ZNF804B: variants seen among roughly 807,000 people sequenced by gnomAD.
ZNF804B encodes the protein zinc finger 804B.
ZNF804B carries 80 observed loss-of-function variants against 101.4 expected under a neutral mutation model. The ratio of observed to expected loss-of-function variants is 0.79; its 90% CI spans 0.66 to 0.95. The LOEUF (loss-of-function observed/expected upper bound fraction) is 0.95. ZNF804B is among the 40% of genes least tolerant of loss of function. The pLI, the probability that ZNF804B is intolerant of heterozygous loss-of-function variation, is 0.00. For missense variants in ZNF804B, 1,673 were observed against 1,561.9 expected (o/e 1.07, Z -1.20); for synonymous variants, 622 against 558.8 (o/e 1.11, Z -1.59).
At chr7:89,293,113 GT>G (rs1404612281) in intron 2 of ZNF804B, among the ~76,000 whole-genome samples, 8 of 151,024 alleles carry the variant, frequency 5.3e-5, no homozygotes, top group Admixed American at 2.6e-4. Context: ...ACTTTTGAAT[GT>G]TTTAATTTTT....
chr7:89,085,497 C>T (rs1789784214), intron 1 of ZNF804B, among the ~76,000 whole-genome samples: 1 of 151,810 alleles, frequency 6.6e-6, no homozygotes, highest in Non-Finnish European at 1.5e-5. Context: ...CTGCTATGTT[C>T]ACTCTGCAAG....
chr7:89,282,012 T>C (rs932387094), intron 2 of ZNF804B, among the ~76,000 whole-genome samples: 3 of 151,572 alleles, frequency 2.0e-5, no homozygotes, highest in African/African-American at 7.3e-5. Context: ...CCATCCCGGC[T>C]AAAACGGTGA....
chr7:89,115,495 CAG>C (rs1218590536), intron 1 of ZNF804B, among the ~76,000 whole-genome samples: 1 of 152,142 alleles, frequency 6.6e-6, no homozygotes, highest in Non-Finnish European at 1.5e-5. Flanking sequence ...CAGTAGGAGA[CAG>C]GGTCATACAG....
chr7:88,888,128 C>T (rs1792160713), intron 1 of ZNF804B, among the ~76,000 whole-genome samples: 1 of 152,088 alleles, frequency 6.6e-6, no homozygotes, highest in African/African-American at 2.4e-5. Context: ...CATGGTGGCT[C>T]ACGCCTGTAA....
At chr7:89,165,413 T>C (rs1409041977) in intron 1 of ZNF804B, among the ~76,000 whole-genome samples, 1 of 151,494 alleles carries the variant, frequency 6.6e-6, no homozygotes, top group Non-Finnish European at 1.5e-5. Context: ...ATGATAAAAT[T>C]GTATTTCACA....
At chr7:88,962,769 A>T (rs1793407302) in intron 1 of ZNF804B, among the ~76,000 whole-genome samples, 1 of 144,726 alleles carries the variant, frequency 6.9e-6, no homozygotes, top group Non-Finnish European at 1.5e-5. Flanking sequence ...TTATATAATT[A>T]CATAATTATA....
chr7:88,966,907 T>C (rs1025228858), intron 1 of ZNF804B, among the ~76,000 whole-genome samples: 1 of 151,430 alleles, frequency 6.6e-6, no homozygotes, highest in Non-Finnish European at 1.5e-5. Flanking sequence ...ACTGATTCCA[T>C]TGCAGCTTGT....
chr7:89,185,957 G>A (rs1004513774), intron 1 of ZNF804B, among the ~76,000 whole-genome samples: 2 of 151,932 alleles, frequency 1.3e-5, no homozygotes, highest in African/African-American at 4.8e-5. Flanking sequence ...CCAAAACTGT[G>A]GAAGTCATGT....
At chr7:89,144,339 T>C (rs1032263093) in intron 1 of ZNF804B, among the ~76,000 whole-genome samples, 28 of 152,008 alleles carry the variant, frequency 1.8e-4, no homozygotes, top group African/African-American at 6.3e-4. Context: ...AAGTAATGAG[T>C]AGGTGAAAGT....
chr7:89,153,540 C>A (rs1014729921), intron 1 of ZNF804B, among the ~76,000 whole-genome samples: 2 of 151,064 alleles, frequency 1.3e-5, no homozygotes, highest in Non-Finnish European at 2.9e-5. Context: ...ATTTCCGAAG[C>A]CTGGTTATTA....
At chr7:89,077,788 A>G (rs1789636416) in intron 1 of ZNF804B, among the ~76,000 whole-genome samples, 1 of 152,148 alleles carries the variant, frequency 6.6e-6, no homozygotes, top group Admixed American at 6.5e-5. Flanking sequence ...ATTCAAGTGA[A>G]ATTAGGTGAA....
intron 1 of ZNF804B, among the ~76,000 whole-genome samples, chr7:89,157,691 A>G (rs756190770): frequency 6.6e-6 from 1 of 152,162 alleles, no homozygotes; most frequent in Non-Finnish European, 1.5e-5. Context: ...CTGTAAGTAC[A>G]CATCCAAATC....
intron 1 of ZNF804B, among the ~76,000 whole-genome samples, chr7:88,911,168 A>G (rs1346558201): frequency 3.9e-5 from 6 of 152,014 alleles, no homozygotes; most frequent in Non-Finnish European, 7.4e-5. Context: ...AGTGGGCACA[A>G]GAGCCTAAAA....
chr7:89,069,077 C>T (rs1171917424), intron 1 of ZNF804B, among the ~76,000 whole-genome samples: 1 of 152,168 alleles, frequency 6.6e-6, no homozygotes, highest in Admixed American at 6.6e-5. Flanking sequence ...TCAGTTGTGA[C>T]CTTACCAGTA....
At chr7:89,167,751 T>A (rs1377150110) in intron 1 of ZNF804B, among the ~76,000 whole-genome samples, 2 of 152,154 alleles carry the variant, frequency 1.3e-5, no homozygotes, top group Non-Finnish European at 2.9e-5. Flanking sequence ...GTAGCTATTA[T>A]TAAACTAAGC....
chr7:89,144,214 T>C (rs1379694205), intron 1 of ZNF804B, among the ~76,000 whole-genome samples: 1 of 152,056 alleles, frequency 6.6e-6, no homozygotes, highest in Non-Finnish European at 1.5e-5. Flanking sequence ...CTTTATATTT[T>C]TCTTTATTTT....
At position 89,171,392 on chromosome 7, in the gene ZNF804B, TTCC is replaced by T. The variant is rs1197467559; in HGVS notation, c.109-46760_109-46758del. 5.1e-3 allele frequency among the ~76,000 whole-genome samples: 689 copies of T among 134,118 alleles called. 21 individuals carry two copies. The highest frequency in any genetic ancestry group is 0.018 in the African/African-American group (651 of 35,980). 88.0% of individuals were successfully genotyped at this position (134,118 alleles called of 152,430 possible). On this transcript the variant is annotated intron_variant, in intron 1 of 3. Coordinates refer to ENST00000333190, the MANE Select transcript of ZNF804B (RefSeq NM_181646.5). The stretch of plus-strand genomic sequence containing the variant: ...CCTCTTCTTCCTCTTCTTCCTCTTC[TTCC>T]TCTTCTTCTTCTTCTTCTTCTTCTC...
intron 1 of ZNF804B, among the ~76,000 whole-genome samples, chr7:88,814,474 A>G (rs962895050): frequency 6.6e-6 from 1 of 151,302 alleles, no homozygotes; most frequent in African/African-American, 2.4e-5. Context: ...ACACACACAC[A>G]CACACACACA....
Position 88,923,107 on chromosome 7 carries a change from G to A in ZNF804B, c.108+163023G>A, listed in dbSNP as rs183355171. Reference sequence around the variant, plus strand: ...TATTAGAATTTCATTACTGGCATCTGGAAGCAAAGATAAGATGGTTGCAGG... The same window carrying A: ...TATTAGAATTTCATTACTGGCATCTAGAAGCAAAGATAAGATGGTTGCAGG... On this transcript the variant is annotated intron_variant, in intron 1 of 3. Coordinates refer to ENST00000333190, the MANE Select transcript of ZNF804B (RefSeq NM_181646.5). Among the ~76,000 whole-genome samples the A allele has an allele frequency of 2.6e-5, 4 of 152,098 alleles. No individual in the cohort carries two copies. The East Asian group carries it at 5.8e-4, about 22-fold the overall frequency.
Sources: allele counts gnomAD v4.1 joint callset (sites outside exome capture counted in the v4.1 genomes callset), GRCh38; gene constraint gnomAD v4.1.1; transcripts MANE v1.5; gene names NCBI Gene and HGNC (gene_info 2026-07-23, HGNC 2026-07-21).